AGBL4: variants seen among roughly 807,000 people sequenced by gnomAD.
The protein encoded by AGBL4 is AGBL carboxypeptidase 4, also known as cytosolic carboxypeptidase 6.
Under a neutral mutation model 66.4 loss-of-function variants are expected in AGBL4, and 58 were observed. The observed-to-expected ratio is 0.87, with a 90% CI of 0.71 to 1.09. The LOEUF is 1.09. Ranked by LOEUF, AGBL4 falls within the 50% of genes least tolerant of loss-of-function variation. AGBL4 has a pLI of 0.00. For missense variants in AGBL4, 579 were observed against 631.0 expected (o/e 0.92, Z 0.88); for synonymous variants, 234 against 222.9 (o/e 1.05, Z -0.44).
At chr1:49,456,237 C>G (rs1646385937) in intron 3 of AGBL4, among the ~76,000 whole-genome samples, 1 of 151,728 alleles carries the variant, frequency 6.6e-6, no homozygotes, top group South Asian at 2.1e-4. Flanking sequence ...CTCCCTTCAT[C>G]TTGGAGAGGA....
At chr1:49,810,906 C>A (rs1557470061) in intron 2 of AGBL4, among the ~76,000 whole-genome samples, 1 of 152,076 alleles carries the variant, frequency 6.6e-6, no homozygotes, top group East Asian at 1.9e-4. Context: ...GAAATTACTG[C>A]AATAGTCATG....
intron 5 of AGBL4, among the ~76,000 whole-genome samples, chr1:49,012,330 G>A (rs939004846): frequency 6.6e-6 from 1 of 152,112 alleles, no homozygotes; most frequent in Non-Finnish European, 1.5e-5. Flanking sequence ...GAGACAGAGA[G>A]GGAGAAGAAA....
intron 4 of AGBL4, among the ~76,000 whole-genome samples, chr1:49,118,574 T>A (rs1645582243): frequency 6.6e-6 from 1 of 152,218 alleles, no homozygotes; most frequent in Non-Finnish European, 1.5e-5. Context: ...GATAAGCTTT[T>A]TGATGTGCTG....
intron 3 of AGBL4, among the ~76,000 whole-genome samples, chr1:49,596,193 C>T (rs1356168060): frequency 4.6e-5 from 7 of 152,250 alleles, no homozygotes; most frequent in African/African-American, 1.7e-4. Context: ...TTGAGACAGA[C>T]TGTCACTCTC....
intron 3 of AGBL4, among the ~76,000 whole-genome samples, chr1:49,524,866 G>A (rs941446936): frequency 3.9e-5 from 6 of 151,922 alleles, no homozygotes; most frequent in Non-Finnish European, 7.4e-5. Flanking sequence ...TAATAAACCA[G>A]TCTAATTCAC....
At chr1:48,585,240 T>A (rs1201975471) in intron 11 of AGBL4, 1 of 152,152 alleles carries the variant, frequency 6.6e-6, no homozygotes, top group East Asian at 1.9e-4. Flanking sequence ...CCTGTCAGAT[T>A]GGACAGCAAA....
At chr1:49,475,702 C>T (rs1286122579) in intron 3 of AGBL4, among the ~76,000 whole-genome samples, 1 of 151,830 alleles carries the variant, frequency 6.6e-6, no homozygotes, top group African/African-American at 2.4e-5. Context: ...CTAGATTTTC[C>T]AGTTTTTGTG....
intron 5 of AGBL4, among the ~76,000 whole-genome samples, chr1:48,968,402 G>A (rs956801107): frequency 2.6e-5 from 4 of 152,112 alleles, no homozygotes; most frequent in African/African-American, 9.7e-5. Context: ...GAGCAATCTG[G>A]TTTCTGTGTG....
At chr1:48,595,818 C>A (rs1220736973) in intron 9 of AGBL4, among the ~76,000 whole-genome samples, 1 of 152,180 alleles carries the variant, frequency 6.6e-6, no homozygotes, top group East Asian at 1.9e-4. Flanking sequence ...AAAACCTGAG[C>A]TTGGTGCTCT....
rs912353962 is a variant in AGBL4 at position 48,534,202 on chromosome 1, T to C, written c.1483A>G (p.Asn495Asp). ...AAAGGGGTTGAAGGGTCTTTGTGGTTCACTGAGCTCTTCTTGTCCCCTTTG... is the reference window on the plus strand; with the variant it reads ...AAAGGGGTTGAAGGGTCTTTGTGGTCCACTGAGCTCTTCTTGTCCCCTTTG... ...NSKGDKKSSV[N>D]HKDPSTPF The change falls in exon 14 of 14, where the codon AAC becomes GAC. Residue 495 changes from asparagine to aspartate, a missense_variant. Coordinates refer to ENST00000371839, the MANE Select transcript of AGBL4 (RefSeq NM_032785.4). 1 of 1,551,514 alleles carries C rather than the reference T, an allele frequency of 6.4e-7. No homozygotes were observed. The highest frequency in any genetic ancestry group is 1.4e-5 in the African/African-American group (1 of 73,030).
At position 49,034,703 on chromosome 1, in the gene AGBL4, C is replaced by A. The variant is rs1249856937; in HGVS notation, c.594+10881G>T. ...CGAGGTGTGATGGTTTTATAAGGGG[C>A]TTTCCCTCCTTTTGCTGAGCACTTC... On this transcript the variant is annotated intron_variant, in intron 5 of 13. Coordinates refer to ENST00000371839, the MANE Select transcript of AGBL4 (RefSeq NM_032785.4). 3.3e-5 allele frequency among the ~76,000 whole-genome samples: 5 copies of A among 152,016 alleles called. No homozygotes were observed. In the South Asian group the frequency reaches 1.0e-3, roughly 32 times the overall value.
intron 5 of AGBL4, among the ~76,000 whole-genome samples, chr1:48,997,499 G>T (rs937508513): frequency 3.3e-5 from 5 of 152,044 alleles, no homozygotes; most frequent in Non-Finnish European, 7.4e-5. Flanking sequence ...AGAAAAACAC[G>T]CAGCATACAA....
intron 9 of AGBL4, among the ~76,000 whole-genome samples, chr1:48,609,789 T>C (rs2148378192): frequency 6.6e-6 from 1 of 152,344 alleles, no homozygotes; most frequent in South Asian, 2.1e-4. Flanking sequence ...CCCCACTGCA[T>C]GCGGATGTCT....
intron 2 of AGBL4, among the ~76,000 whole-genome samples, chr1:49,733,325 C>A (rs1649601254): frequency 6.6e-6 from 1 of 152,106 alleles, no homozygotes; most frequent in East Asian, 1.9e-4. Context: ...GAGGTAAATT[C>A]AATTTACAGT....
At chr1:48,895,769 T>A (rs2298201) in intron 5 of AGBL4, among the ~76,000 whole-genome samples, 9 of 152,068 alleles carry the variant, frequency 5.9e-5, no homozygotes, top group Middle Eastern at 3.4e-3. Context: ...TCAGAAGAGC[T>A]CATCCATTCT....
chr1:49,797,725 G>A (rs931564272), intron 2 of AGBL4, among the ~76,000 whole-genome samples: 1 of 152,020 alleles, frequency 6.6e-6, no homozygotes, highest in Admixed American at 6.6e-5. Context: ...GATTACAGGT[G>A]TGAGTCACTG....
chr1:48,903,902 T>A (rs900770448), intron 5 of AGBL4, among the ~76,000 whole-genome samples: 1 of 152,174 alleles, frequency 6.6e-6, no homozygotes, highest in Non-Finnish European at 1.5e-5. Flanking sequence ...GAGATTAGGA[T>A]GGAGCAAGTG....
intron 1 of AGBL4, among the ~76,000 whole-genome samples, chr1:49,959,504 GC>G (rs1304695225): frequency 1.3e-5 from 2 of 152,052 alleles, no homozygotes; most frequent in African/African-American, 4.8e-5. Flanking sequence ...TTGAAAATGT[GC>G]AACTAGCACA....
chr1:48,983,857 C>T (rs1309195802), intron 5 of AGBL4, among the ~76,000 whole-genome samples: 1 of 151,864 alleles, frequency 6.6e-6, no homozygotes, highest in Non-Finnish European at 1.5e-5. Flanking sequence ...GTGAAAACAA[C>T]CAGAATCAAA....
Sources: allele counts gnomAD v4.1 joint callset (sites outside exome capture counted in the v4.1 genomes callset), GRCh38; gene constraint gnomAD v4.1.1; transcripts MANE v1.5; gene names NCBI Gene and HGNC (gene_info 2026-07-23, HGNC 2026-07-21).